Variants in LAMA1 observed in about 807,000 individuals in gnomAD.
The protein encoded by LAMA1 is laminin subunit alpha-1.
LAMA1 carries 219 observed loss-of-function variants against 348.7 expected under a neutral mutation model. The observed-to-expected ratio is 0.63, with a 90% confidence interval of 0.56 to 0.70. The LOEUF is 0.70. Ranked by LOEUF, LAMA1 falls within the 30% of genes least tolerant of loss-of-function variation. The pLI, the probability that LAMA1 is intolerant of heterozygous loss-of-function variation, is 0.00. For missense variants in LAMA1, 3,744 were observed against 3,888.0 expected, an observed-to-expected ratio of 0.96 and a Z score of 0.99; for synonymous variants, 1,487 against 1,491.0, an observed-to-expected ratio of 1.00 and a Z score of 0.06.
intron 3 of LAMA1, among the ~76,000 whole-genome samples, chr18:7,067,274 A>G (rs574254479): frequency 1.5e-5 from 2 of 137,880 alleles, no homozygotes; most frequent in Non-Finnish European, 1.5e-5. Flanking sequence ...ACCCAGCAAG[A>G]CAGTGGATAA....
chr18:7,062,613 C>G (rs997154153), intron 3 of LAMA1, among the ~76,000 whole-genome samples: 1 of 152,110 alleles, frequency 6.6e-6, no homozygotes, highest in Non-Finnish European at 1.5e-5. Flanking sequence ...GAGACCAGAG[C>G]AGAGATAAAA....
intron 53 of LAMA1, among the ~76,000 whole-genome samples, chr18:6,960,954 T>C (rs2057604382): frequency 1.3e-5 from 2 of 152,220 alleles, no homozygotes; most frequent in South Asian, 2.1e-4. Flanking sequence ...GGTGGCATTC[T>C]ATAGATTTTA....
chr18:7,041,405 CCCCT>C (rs1477782443), intron 9 of LAMA1, among the ~76,000 whole-genome samples: 4 of 152,152 alleles, frequency 2.6e-5, no homozygotes, highest in Non-Finnish European at 4.4e-5. Context: ...TCGTCATCAT[CCCCT>C]CACCAGGTGC....
chr18:6,980,045 A>G (rs975106741), intron 42 of LAMA1, among the ~76,000 whole-genome samples: 2 of 152,074 alleles, frequency 1.3e-5, no homozygotes, highest in Non-Finnish European at 2.9e-5. Context: ...TGAATACCAC[A>G]TTTCTAAACC....
rs1002213864 is a variant in LAMA1, at chr18:7,036,211, T to C, written c.1738-123A>G. 2.2e-5 allele frequency: 16 copies of C among 733,428 alleles called. No individual in the cohort carries two copies. In the East Asian group the frequency reaches 3.1e-4, roughly 14 times the overall value. 45.4% of individuals were successfully genotyped at this position (733,428 alleles called of 1,614,324 possible). ...TAGGCTACAACTATCCCCTTGACCA[T>C]GACAGACAAGGAAATTCACATTAAA... On this transcript the variant is annotated intron_variant, in intron 12 of 62. Transcript: ENST00000389658.
In LAMA1 at chr18:6,950,792, T is replaced by G; in HGVS notation, c.8387A>C (p.Lys2796Thr). The change falls in exon 58 of 63, where the codon AAG becomes ACG. Residue 2796 changes from lysine (K) to threonine (T), a missense_variant. Lys to Thr is a moderately conservative substitution (Grantham distance 78, BLOSUM62 -1). Coordinates refer to ENST00000389658, the MANE Select transcript of LAMA1 (RefSeq NM_005559.4). ...VSHPALLSDG[K>T]WHTVKTDYVK... is the part of the protein sequence containing the mutation. ...CTCCTGAGATCGTACCGTGTGCCACTTGCCATCACTGAGCAGTGCAGGGTG... is the reference window on the plus strand; with the variant it reads ...CTCCTGAGATCGTACCGTGTGCCACGTGCCATCACTGAGCAGTGCAGGGTG... 6.2e-7 allele frequency: 1 copy of G among 1,614,022 alleles called. No individual in the cohort carries two copies. Among genetic ancestry groups the G allele is most frequent in the Non-Finnish European group, 8.5e-7 (1 of 1,179,948 alleles).
intron 39 of LAMA1, among the ~76,000 whole-genome samples, chr18:6,984,414 G>A (rs2057725396): frequency 6.6e-6 from 1 of 152,134 alleles, no homozygotes; most frequent in African/African-American, 2.4e-5. Flanking sequence ...TTAACTCACA[G>A]TATTATGTAA....
chr18:6,949,031 G>T, intron 59 of LAMA1, 70 bp downstream of exon 59: 1 of 1,575,582 alleles, frequency 6.3e-7, no homozygotes, highest in Non-Finnish European at 8.7e-7. Flanking sequence ...GATGCCGTGA[G>T]GTATGCTCTT....
chr18:7,033,539 A>C (rs7227572), intron 14 of LAMA1, among the ~76,000 whole-genome samples: 69,039 of 151,352 alleles, frequency 0.46, 17,002 homozygotes, highest in African/African-American at 0.65. Context: ...ACAATATATT[A>C]TCTGGGAGCC....
At chr18:6,974,053 G>T (rs1444417880) in intron 46 of LAMA1, among the ~76,000 whole-genome samples, 1 of 152,016 alleles carries the variant, frequency 6.6e-6, no homozygotes, top group Non-Finnish European at 1.5e-5. Context: ...AAAGCACTGG[G>T]ATTACAGGAG....
chr18:7,023,309 G>A lies in LAMA1; in HGVS notation c.2556C>T (p.Ser852=), dbSNP rs781083876. Residue 852 remains serine (S), a synonymous_variant, in exon 19 of 63, where the codon AGC becomes AGT. Transcript: ENST00000389658. The part of the protein sequence containing the change: ...PGESCVPCDC[S]GNVDPSEAGH... ...CAGCCTCCGAGGGGTCCACGTTGCC[G>A]CTGCAGTCACAGGGAACACAAGATT... 25 of 1,613,964 alleles carry A rather than the reference G, an allele frequency of 1.5e-5. No individual in the cohort carries two copies. The highest frequency in any genetic ancestry group is 1.9e-5 in the Non-Finnish European group (22 of 1,180,022).
At chr18:7,032,212 C>A in intron 15 of LAMA1, 36 bp from the exon 16 acceptor site, 4 of 1,412,894 alleles carry the variant, frequency 2.8e-6, no homozygotes, top group Non-Finnish European at 3.0e-6. Flanking sequence ...CTTTCCACTA[C>A]GTTACAAACA....
intron 1 of LAMA1, among the ~76,000 whole-genome samples, chr18:7,086,233 T>C (rs1257900585): frequency 6.6e-6 from 1 of 152,160 alleles, no homozygotes; most frequent in African/African-American, 2.4e-5. Flanking sequence ...TTCTCACCGA[T>C]GTGGATAAAC....
chr18:7,105,216 A>G (rs1484067571), intron 1 of LAMA1, among the ~76,000 whole-genome samples: 1 of 152,142 alleles, frequency 6.6e-6, no homozygotes, highest in Non-Finnish European at 1.5e-5. Context: ...AGGCAGGTGG[A>G]TCACCTGAGG....
chr18:6,975,376 C>T (rs1287292684), intron 45 of LAMA1, among the ~76,000 whole-genome samples: 1 of 152,092 alleles, frequency 6.6e-6, no homozygotes, highest in Non-Finnish European at 1.5e-5. Flanking sequence ...GCCCAGTCTC[C>T]GAGGTAAGAA....
At chr18:7,113,301 G>C (rs1434818999) in intron 1 of LAMA1, among the ~76,000 whole-genome samples, 1 of 152,196 alleles carries the variant, frequency 6.6e-6, no homozygotes, top group East Asian at 1.9e-4. Flanking sequence ...CTACAAATAG[G>C]TGCAGGCGTA....
chr18:7,033,316 C>T (rs1167699643), intron 14 of LAMA1, among the ~76,000 whole-genome samples: 2 of 152,072 alleles, frequency 1.3e-5, no homozygotes, highest in African/African-American at 2.4e-5. Context: ...ATTAGCCGGG[C>T]GTGGTGGCAT....
In LAMA1 at chr18:7,047,131, A is replaced by G. The variant is rs563939709; in HGVS notation, c.769-764T>C. The stretch of plus-strand genomic sequence containing the variant: ...GCGATCTCAGCTCTCTGCAACCTCT[A>G]CCTCCTGGGTTCAAGCTATTCTCCT... On this transcript the variant is annotated intron_variant, in intron 5 of 62. Coordinates refer to ENST00000389658, the MANE Select transcript of LAMA1 (RefSeq NM_005559.4). Among the ~76,000 whole-genome samples, 312 of 148,432 alleles carry G rather than the reference A, an allele frequency of 2.1e-3. 3 individuals are homozygous for G. The highest frequency in any genetic ancestry group is 7.5e-3 in the African/African-American group (300 of 40,030).
chr18:6,976,084 T>C lies in LAMA1; in HGVS notation c.6346-4A>G, dbSNP rs748405543. The C allele has an allele frequency of 2.9e-5, 46 of 1,613,922 alleles. No individual in the cohort carries two copies. Among genetic ancestry groups the C allele is most frequent in the Non-Finnish European group, 3.6e-5 (42 of 1,179,966 alleles). Reference sequence around the variant, plus strand: ...CTGCAGACACGGCGACTTTAATCTGTAGAAGGAAAATGAAAGTGTCCCCAT... The same window carrying C: ...CTGCAGACACGGCGACTTTAATCTGCAGAAGGAAAATGAAAGTGTCCCCAT... On this transcript the variant is annotated splice_region_variant and splice_polypyrimidine_tract_variant and intron_variant, in intron 44 of 62. Transcript: ENST00000389658.
Sources: allele counts gnomAD v4.1 joint callset (sites outside exome capture counted in the v4.1 genomes callset), GRCh38; gene constraint gnomAD v4.1.1; transcripts MANE v1.5; gene names NCBI Gene and HGNC (gene_info 2026-07-23, HGNC 2026-07-21).